The following HIVEP3 variants were observed in gnomAD, a reference collection of about 807,000 sequenced individuals.
HIVEP3 encodes the protein HIVEP zinc finger 3.
HIVEP3 carries 49 observed loss-of-function variants against 152.8 expected under a neutral mutation model. That is an observed-to-expected ratio of 0.32 (90% CI 0.26 to 0.41). The LOEUF is 0.41. HIVEP3 is among the 10% of genes least tolerant of loss of function. The pLI is 1.00. For synonymous variants in HIVEP3, 1,269 were observed against 1,289.0 expected (o/e 0.98, Z 0.33); for missense variants, 2,790 against 3,103.3 (o/e 0.90, Z 2.40).
intron 3 of HIVEP3, among the ~76,000 whole-genome samples, chr1:41,598,336 T>A (rs1184109975): frequency 2.0e-5 from 3 of 152,246 alleles, no homozygotes; most frequent in Admixed American, 6.5e-5. Context: ...AAGGCACACC[T>A]ACCTACAAGC....
At chr1:41,903,377 A>G (rs1020710723) in intron 1 of HIVEP3, among the ~76,000 whole-genome samples, 2 of 152,200 alleles carry the variant, frequency 1.3e-5, no homozygotes, top group Non-Finnish European at 1.5e-5. Flanking sequence ...TGAAAAATTG[A>G]GATACTAAGA....
chr1:42,033,472 C>T (rs1325875638), intron 1 of HIVEP3, among the ~76,000 whole-genome samples: 1 of 152,202 alleles, frequency 6.6e-6, no homozygotes, highest in Non-Finnish European at 1.5e-5. Context: ...TCCTATGACA[C>T]ACACTCCATT....
Position 41,513,400 on chromosome 1 carries a change from AG to A in HIVEP3, c.5820del (p.Trp1941GlyfsTer18). The A allele has an allele frequency of 6.2e-7, 1 of 1,611,962 alleles. No homozygotes were observed. The highest frequency in any genetic ancestry group is 8.5e-7 in the Non-Finnish European group (1 of 1,179,264). ...GAGCCCAGAGGGGCCGGTCCCAGCCAGGGGAGGCCCGGCATGCTCTGGCTGG... is the reference window on the plus strand; with the variant it reads ...GAGCCCAGAGGGGCCGGTCCCAGCCAGGGAGGCCCGGCATGCTCTGGCTGG... ...SMSSQSMPGLPWLGPAPLGSV... is the reference protein window; with the variant it reads ...SMSSQSMPGLXWLGPAPLGSV... On this transcript the variant is annotated frameshift_variant, in exon 8 of 9. Coordinates refer to ENST00000372583, the MANE Select transcript of HIVEP3 (RefSeq NM_024503.5). LOFTEE classifies it high-confidence loss of function.
At position 41,506,823 on chromosome 1, in the gene HIVEP3, T is replaced by C. The variant is rs553236460; in HGVS notation, c.*3628A>G. 6.6e-5 allele frequency: 10 copies of C among 152,248 alleles called. No individual in the cohort carries two copies. The South Asian group carries it at 2.1e-3, about 32-fold the overall frequency. 9.4% of individuals were successfully genotyped at this position (152,248 alleles called of 1,614,324 possible). On this transcript the variant is annotated 3_prime_UTR_variant, in exon 9 of 9. Transcript: ENST00000372583. ...TTTCACATACAGAATACGTACACCT[T>C]TTAGAAAAAAAGGCAAATATTTATC...
chr1:41,991,757 C>T (rs1463950841), intron 1 of HIVEP3, among the ~76,000 whole-genome samples: 23 of 147,442 alleles, frequency 1.6e-4, no homozygotes, highest in Non-Finnish European at 3.1e-4. Context: ...CAATAAAATA[C>T]TGGCAAAACG....
chr1:41,654,560 T>C (rs1232152610), intron 2 of HIVEP3, among the ~76,000 whole-genome samples: 1 of 152,228 alleles, frequency 6.6e-6, no homozygotes, highest in Non-Finnish European at 1.5e-5. Context: ...TTTCCTTCCA[T>C]GTGAACATCT....
At chr1:41,725,054 G>A (rs1646732750) in intron 1 of HIVEP3, among the ~76,000 whole-genome samples, 1 of 152,222 alleles carries the variant, frequency 6.6e-6, no homozygotes, top group Admixed American at 6.5e-5. Context: ...AGGAAACTGA[G>A]GTTCAGAGTG....
chr1:41,753,566 G>A (rs1647201353), intron 1 of HIVEP3, among the ~76,000 whole-genome samples: 1 of 152,050 alleles, frequency 6.6e-6, no homozygotes, highest in African/African-American at 2.4e-5. Context: ...TACTTGGAAG[G>A]CTGAGGCAGG....
intron 1 of HIVEP3, among the ~76,000 whole-genome samples, chr1:41,730,677 G>T (rs1302128570): frequency 6.6e-6 from 1 of 152,254 alleles, no homozygotes; most frequent in East Asian, 1.9e-4. Context: ...AGCCGGTGTG[G>T]GGGCCATCAC....
intron 1 of HIVEP3, among the ~76,000 whole-genome samples, chr1:41,803,332 C>T (rs1270883759): frequency 6.6e-6 from 1 of 152,148 alleles, no homozygotes; most frequent in African/African-American, 2.4e-5. Flanking sequence ...TAAAGGTGAC[C>T]AGCCTCTGGG....
chr1:41,914,532 G>A (rs1299609443), intron 1 of HIVEP3, among the ~76,000 whole-genome samples: 2 of 152,054 alleles, frequency 1.3e-5, no homozygotes, highest in Non-Finnish European at 2.9e-5. Context: ...ATTTTAAAAG[G>A]GTCTACATTT....
chr1:41,585,891 T>C (rs1253598130), intron 3 of HIVEP3, among the ~76,000 whole-genome samples: 8 of 152,130 alleles, frequency 5.3e-5, no homozygotes, highest in Admixed American at 2.0e-4. Context: ...ATTCTCAGGT[T>C]AGTATTTCTC....
intron 1 of HIVEP3, among the ~76,000 whole-genome samples, chr1:41,929,931 G>A (rs987181505): frequency 2.0e-5 from 3 of 151,684 alleles, no homozygotes; most frequent in African/African-American, 7.3e-5. Flanking sequence ...GTTTTAGAAT[G>A]GTTAACACAT....
At chr1:41,881,607 T>A (rs71654209) in intron 1 of HIVEP3, among the ~76,000 whole-genome samples, 241 of 152,292 alleles carry the variant, frequency 1.6e-3, no homozygotes, top group Middle Eastern at 3.4e-3. Flanking sequence ...ACACTAAATA[T>A]AAATCTAGTT....
At chr1:41,730,950 G>A (rs1437190947) in intron 1 of HIVEP3, among the ~76,000 whole-genome samples, 2 of 152,190 alleles carry the variant, frequency 1.3e-5, no homozygotes, top group East Asian at 3.8e-4. Context: ...CCCACAGCCA[G>A]ATCACAAAGA....
At chr1:41,629,025 G>T in intron 2 of HIVEP3, 78 bp from the exon 3 acceptor site, 2 of 1,095,384 alleles carry the variant, frequency 1.8e-6, no homozygotes, top group Non-Finnish European at 2.3e-6. Flanking sequence ...TCCCTGCCTG[G>T]TCCCTGGAGG....
At chr1:41,538,841 G>A (rs534359217) in intron 5 of HIVEP3, among the ~76,000 whole-genome samples, 3 of 152,140 alleles carry the variant, frequency 2.0e-5, no homozygotes, top group East Asian at 1.9e-4. Context: ...CCTTCACTGC[G>A]AACATTAGGT....
At chr1:41,932,891 C>T (rs1570822098) in intron 1 of HIVEP3, among the ~76,000 whole-genome samples, 1 of 151,762 alleles carries the variant, frequency 6.6e-6, no homozygotes, top group Middle Eastern at 3.4e-3. Flanking sequence ...TCATTCAGTT[C>T]AAAACGCTTT....
chr1:41,791,115 CAT>C (rs1491368098), intron 1 of HIVEP3, among the ~76,000 whole-genome samples: 6 of 137,738 alleles, frequency 4.4e-5, no homozygotes, highest in Admixed American at 3.1e-4. Context: ...CACAGGCACA[CAT>C]GTGTACACAC....
Sources: gnomAD v4.1 joint callset for allele counts (sites outside exome capture counted in the v4.1 genomes callset) on GRCh38, gnomAD v4.1.1 for gene constraint, MANE v1.5 for transcripts, NCBI Gene and HGNC (gene_info 2026-07-23, HGNC 2026-07-21) for gene names.